The following GATD1 variants were observed in gnomAD, a reference collection of about 807,000 sequenced individuals.
GATD1 encodes glutamine amidotransferase-like class 1 domain-containing protein 1.
A neutral mutation model predicts 25.9 loss-of-function variants in GATD1; 23 were observed. The observed-to-expected ratio is 0.89, with a 90% CI of 0.64 to 1.26. The LOEUF is 1.26. Ranked by LOEUF, GATD1 falls within the 50% of genes most tolerant of loss-of-function variation. The pLI is 0.00. For missense variants in GATD1, 347 were observed against 312.5 expected (o/e 1.11, Z -0.83); for synonymous variants, 177 against 134.6 (o/e 1.31, Z -2.18).
At chr11:776,842 A>T (rs1273669391) in intron 1 of GATD1, 2 of 152,128 alleles carry the variant, frequency 1.3e-5, no homozygotes, top group Non-Finnish European at 2.9e-5. Flanking sequence ...GACCCGCGTG[A>T]GCCCCAGGCC....
intron 1 of GATD1, among the ~76,000 whole-genome samples, chr11:776,406 A>G (rs1863985937): frequency 6.6e-6 from 1 of 152,076 alleles, no homozygotes; most frequent in Admixed American, 6.6e-5. Flanking sequence ...GGCCTCCTGA[A>G]GTGCTGCCCC....
At chr11:773,361 G>A (rs1005763619) in intron 4 of GATD1, 161 bp downstream of exon 4, 13 of 627,496 alleles carry the variant, frequency 2.1e-5, no homozygotes, top group Non-Finnish European at 3.3e-5. Context: ...TCGGGGGAAG[G>A]GGCAGTCCCT....
In GATD1 at chr11:769,934, A is replaced by G. The variant is rs565363390; in HGVS notation, c.*963T>C. ...CCCGGCCCAACTGAACGGTTTTATAATCACAAGGGGCCTCCTGGCAGGTCA... is the reference window on the plus strand; with the variant it reads ...CCCGGCCCAACTGAACGGTTTTATAGTCACAAGGGGCCTCCTGGCAGGTCA... On this transcript the variant is annotated 3_prime_UTR_variant, in exon 8 of 8. Transcript: ENST00000319863. 5 of 998,214 alleles carry G rather than the reference A, an allele frequency of 5.0e-6. No homozygotes were observed. The South Asian group carries it at 1.9e-4, about 37-fold the overall frequency. The allele number at this position is 998,214 out of a possible 1,614,324, so 61.8% of individuals were successfully genotyped here.
In GATD1 at chr11:770,155, C is replaced by A; in HGVS notation, c.*742G>T. 2 of 1,259,598 alleles carry A rather than the reference C, an allele frequency of 1.6e-6. No homozygotes were observed. Among genetic ancestry groups the A allele is most frequent in the Non-Finnish European group, 1.0e-6 (1 of 1,001,204 alleles). 78.0% of individuals were successfully genotyped at this position (1,259,598 alleles called of 1,614,324 possible). On this transcript the variant is annotated 3_prime_UTR_variant, in exon 8 of 8. Transcript: ENST00000319863. ...CAGCCCAGGCCAGGTGCCCAGCAGG[C>A]TGGACCACTGTCTGCTCTTGATAGC...
rs943780037 is a variant in GATD1 at position 773,646 on chromosome 11, A to G, written c.248-17T>C. On this transcript the variant is annotated splice_polypyrimidine_tract_variant and intron_variant, in intron 3 of 7. Coordinates refer to ENST00000319863, the MANE Select transcript of GATD1 (RefSeq NM_182612.4). ...ACCGGGCACCTGGGGGGAGACCACA[A>G]ACCAGGTAGCAGCCACATGTCAAAG... is the stretch of plus-strand genomic sequence containing the variant. 3 of 1,570,634 alleles carry G rather than the reference A, an allele frequency of 1.9e-6. No homozygotes were observed. Among genetic ancestry groups the G allele is most frequent in the Non-Finnish European group, 2.6e-6 (3 of 1,149,170 alleles).
At position 770,029 on chromosome 11, in the gene GATD1, G is replaced by A. The variant is rs1863296265; in HGVS notation, c.*868C>T. The A allele has an allele frequency of 1.8e-6, 2 of 1,104,564 alleles. No homozygotes were observed. Among genetic ancestry groups the A allele is most frequent in the South Asian group, 4.5e-5 (1 of 22,452 alleles). 68.4% of individuals were successfully genotyped at this position (1,104,564 alleles called of 1,614,324 possible). ...AGACGGGGAGGTGGGCAGGAAGAAG[G>A]CCTTCGATGGCTCAAACTGGGGAAC... is the stretch of plus-strand genomic sequence containing the variant. On this transcript the variant is annotated 3_prime_UTR_variant, in exon 8 of 8. Transcript: ENST00000319863.
Position 775,098 on chromosome 11 carries a change from T to A in GATD1, c.109A>T (p.Thr37Ser). The A allele has an allele frequency of 6.2e-7, 1 of 1,605,832 alleles. No individual in the cohort carries two copies. The highest frequency in any genetic ancestry group is 1.1e-5 in the South Asian group (1 of 89,004). The part of the protein sequence containing the change: ...SFLHCFTMAS[T>S]AFNLQVATPG... ...GTGGCCACCTGCAGGTTGAAGGCGG[T>A]GCTGGCCATCGTGAAACAGTGGAGG... Residue 37 changes from threonine to serine, a missense_variant, in exon 2 of 8, where the codon ACC becomes TCC. Transcript: ENST00000319863.
chr11:771,213 C>A, intron 6 of GATD1, 109 bp from the exon 7 acceptor site: 1 of 1,545,640 alleles, frequency 6.5e-7, no homozygotes, highest in Non-Finnish European at 8.7e-7. Flanking sequence ...CTGTCTGGGT[C>A]TGAGTCAGTG....
In GATD1 at chr11:769,387, C is replaced by T; in HGVS notation, c.*1510G>A. On this transcript the variant is annotated 3_prime_UTR_variant, in exon 8 of 8. Transcript: ENST00000319863. ...CCAGGTTGGAGTGCAATGGCGCAAT[C>T]TTGGCTCACTGCAACTTCCGCCTCC... 2 of 745,162 alleles carry T rather than the reference C, an allele frequency of 2.7e-6. No individual in the cohort carries two copies. Among genetic ancestry groups the T allele is most frequent in the South Asian group, 1.2e-4 (2 of 16,512 alleles). 46.2% of individuals were successfully genotyped at this position (745,162 alleles called of 1,614,324 possible). A position where few individuals can be genotyped will look rare whatever the true frequency, so the allele number is the denominator to read the frequency against.
chr11:771,494 G>A (rs1429938615), intron 5 of GATD1, 68 bp from the exon 6 acceptor site: 2 of 1,464,314 alleles, frequency 1.4e-6, no homozygotes, highest in Non-Finnish European at 1.8e-6. Flanking sequence ...GGGTCAGGAA[G>A]GTCAAGTCAG....
chr11:774,878 C>A (rs932091728), intron 2 of GATD1, among the ~76,000 whole-genome samples, 188 bp downstream of exon 2: 1 of 152,064 alleles, frequency 6.6e-6, no homozygotes, highest in Non-Finnish European at 1.5e-5. Flanking sequence ...GATGGGGGAT[C>A]AGAGCCCAGG....
Position 769,939 on chromosome 11 carries a change from AAGG to A in GATD1, c.*955_*957del. The A allele has an allele frequency of 1.0e-6, 1 of 1,000,946 alleles. No homozygotes were observed. The highest frequency in any genetic ancestry group is 1.2e-6 in the Non-Finnish European group (1 of 840,522). The allele number at this position is 1,000,946 out of a possible 1,614,324, so 62.0% of individuals were successfully genotyped here. ...CCCAACTGAACGGTTTTATAATCAC[AAGG>A]GGCCTCCTGGCAGGTCACTGGCACC... On this transcript the variant is annotated 3_prime_UTR_variant, in exon 8 of 8. Coordinates refer to ENST00000319863, the MANE Select transcript of GATD1 (RefSeq NM_182612.4).
rs904387339 is a variant in GATD1 at position 767,286 on chromosome 11, A to G, written c.*3611T>C. 2.0e-5 allele frequency: 31 copies of G among 1,536,018 alleles called. No homozygotes were observed. The African/African-American group carries it at 4.0e-4, about 20-fold the overall frequency. ...TGAACACACACTGGTATATGGGGAAATCCTCACCCGCCCTCCGCTGCTCTT... is the reference window on the plus strand; with the variant it reads ...TGAACACACACTGGTATATGGGGAAGTCCTCACCCGCCCTCCGCTGCTCTT... On this transcript the variant is annotated 3_prime_UTR_variant, in exon 8 of 8. Coordinates refer to ENST00000319863, the MANE Select transcript of GATD1 (RefSeq NM_182612.4).
intron 4 of GATD1, 118 bp from the exon 5 acceptor site, chr11:772,639 C>G: frequency 1.1e-6 from 1 of 897,138 alleles, no homozygotes; most frequent in Admixed American, 2.1e-5. Flanking sequence ...GCCCCTCCTC[C>G]CAGGTTTCCC....
chr11:775,202 C>A, intron 1 of GATD1, 60 bp from the exon 2 acceptor site: 3 of 1,418,564 alleles, frequency 2.1e-6, no homozygotes, highest in Non-Finnish European at 1.9e-6. Flanking sequence ...CCTCAGGGGG[C>A]TACCCAGACA....
Position 770,381 on chromosome 11 carries a change from G to C in GATD1, c.*516C>G. 1 of 1,530,030 alleles carries C rather than the reference G, an allele frequency of 6.5e-7. No individual in the cohort carries two copies. Among genetic ancestry groups the C allele is most frequent in the Non-Finnish European group, 8.7e-7 (1 of 1,144,676 alleles). 94.8% of individuals were successfully genotyped at this position (1,530,030 alleles called of 1,614,324 possible). ...TGCTGCCAGTGCCGGTCGGCCTTGGGGCAGGAGGCTGCTGCTCCTAAAAAA... is the reference window on the plus strand; with the variant it reads ...TGCTGCCAGTGCCGGTCGGCCTTGGCGCAGGAGGCTGCTGCTCCTAAAAAA... On this transcript the variant is annotated 3_prime_UTR_variant, in exon 8 of 8. Coordinates refer to ENST00000319863, the MANE Select transcript of GATD1 (RefSeq NM_182612.4).
chr11:772,427 C>T lies in GATD1; in HGVS notation c.450G>A (p.Gly150=), dbSNP rs1174185388. The change falls in exon 5 of 8, where the codon GGG becomes GGA. Residue 150 remains glycine (G), a splice_region_variant and synonymous_variant. Transcript: ENST00000319863. ...CGTGCCTCGGCCTCCAGACACTCAC[C>T]CCTGTCAGGCTGTAGCTGTCGAACA... ...SWVFDSYSLT[G]PSVCELVRAP... 6.2e-7 allele frequency: 1 copy of T among 1,613,292 alleles called. No individual in the cohort carries two copies. Among genetic ancestry groups the T allele is most frequent in the South Asian group, 1.1e-5 (1 of 91,082 alleles).
At position 770,795 on chromosome 11, in the gene GATD1, G is replaced by C; in HGVS notation, c.*102C>G. ...CAGGGCCAGACCAGGCTGCCATCCA[G>C]GGCCCTTGTCAGGAGGGAAGAGGCG... is the stretch of plus-strand genomic sequence containing the variant. On this transcript the variant is annotated 3_prime_UTR_variant, in exon 8 of 8. Coordinates refer to ENST00000319863, the MANE Select transcript of GATD1 (RefSeq NM_182612.4). 6.5e-7 allele frequency: 1 copy of C among 1,536,906 alleles called. No individual in the cohort carries two copies. The highest frequency in any genetic ancestry group is 2.3e-5 in the East Asian group (1 of 44,204).
At chr11:775,213 C>T in intron 1 of GATD1, 71 bp from the exon 2 acceptor site, 1 of 1,305,906 alleles carries the variant, frequency 7.7e-7, no homozygotes, top group Non-Finnish European at 1.1e-6. Flanking sequence ...TACCCAGACA[C>T]CCCCATGGCC....
Sources: gnomAD v4.1 joint callset for allele counts (sites outside exome capture counted in the v4.1 genomes callset) on GRCh38, gnomAD v4.1.1 for gene constraint, MANE v1.5 for transcripts, NCBI Gene and HGNC (gene_info 2026-07-23, HGNC 2026-07-21) for gene names.